The following USH2A variants were observed in gnomAD, a reference collection of about 807,000 sequenced individuals.
USH2A encodes the protein usherin, also known as Usher syndrome 2A (autosomal recessive, mild).
A neutral mutation model predicts 538.9 loss-of-function variants in USH2A; 443 were observed. The observed-to-expected ratio is 0.82, with a 90% CI of 0.76 to 0.89. USH2A has a LOEUF of 0.89. USH2A is among the 40% of genes least tolerant of loss of function. USH2A has a pLI of 0.00. For synonymous variants in USH2A, 2,413 were observed against 2,273.5 expected (o/e 1.06, Z -1.75); for missense variants, 6,633 against 6,324.8 (o/e 1.05, Z -1.65).
intron 3 of USH2A, among the ~76,000 whole-genome samples, chr1:216,395,634 G>A (rs2039198156): frequency 6.6e-6 from 1 of 152,192 alleles, no homozygotes; most frequent in African/African-American, 2.4e-5. Flanking sequence ...CCAAGGATGA[G>A]ACTGTAAAGA....
intron 11 of USH2A, among the ~76,000 whole-genome samples, chr1:216,267,883 C>A (rs553742586): frequency 6.6e-6 from 1 of 152,220 alleles, no homozygotes; most frequent in East Asian, 1.9e-4. Flanking sequence ...AGATGCTCAG[C>A]AAAAGTTATT....
chr1:215,819,374 T>A (rs1036269995), intron 47 of USH2A, among the ~76,000 whole-genome samples: 2 of 150,530 alleles, frequency 1.3e-5, no homozygotes, highest in Admixed American at 6.7e-5. Context: ...AAAGCGGCAG[T>A]CAAGATAAAC....
chr1:215,777,831 T>C (rs2102758709), intron 55 of USH2A, among the ~76,000 whole-genome samples: 1 of 152,316 alleles, frequency 6.6e-6, no homozygotes, highest in South Asian at 2.1e-4. Context: ...TCTTCATCTT[T>C]CAGATATGAT....
rs1440918481 is a variant in USH2A, at chr1:215,878,920, C to T, written c.8402G>A (p.Gly2801Glu). The change falls in exon 42 of 72, where the codon GGG (glycine) becomes GAG (glutamate). Residue 2801 changes from glycine (G) to glutamate (E), a missense_variant. Transcript: ENST00000307340. ...VTIVACSGGN[G>E]YLGGCTESLP... is the part of the protein sequence containing the mutation. ...ACTCTCTGTGCACCCTCCAAGGTAC[C>T]CATTACCCCCTGAGCAAGCAACAAT... is the stretch of plus-strand genomic sequence containing the variant. 1 of 1,613,888 alleles carries T rather than the reference C, an allele frequency of 6.2e-7. No homozygotes were observed. Among genetic ancestry groups the T allele is most frequent in the Admixed American group, 1.7e-5 (1 of 59,988 alleles).
chr1:216,372,642 C>T (rs949446046), intron 3 of USH2A, among the ~76,000 whole-genome samples: 14 of 152,022 alleles, frequency 9.2e-5, no homozygotes, highest in African/African-American at 2.2e-4. Context: ...TTAGATTACT[C>T]TCTTCTCTCT....
At chr1:216,186,048 T>C (rs1031456659) in intron 20 of USH2A, among the ~76,000 whole-genome samples, 9 of 151,724 alleles carry the variant, frequency 5.9e-5, no homozygotes, top group African/African-American at 2.2e-4. Flanking sequence ...AGGTGAAGAA[T>C]CAGATAGTTC....
At chr1:215,687,032 G>A (rs1658445667) in intron 61 of USH2A, among the ~76,000 whole-genome samples, 1 of 152,026 alleles carries the variant, frequency 6.6e-6, no homozygotes, top group Non-Finnish European at 1.5e-5. Context: ...CTGGGGACAT[G>A]TTTGAGTGGA....
chr1:215,642,414 G>A (rs1022858519), intron 67 of USH2A, among the ~76,000 whole-genome samples: 20 of 152,008 alleles, frequency 1.3e-4, no homozygotes, highest in Non-Finnish European at 8.8e-5. Context: ...TGTTATCATC[G>A]GTACACATTT....
chr1:216,419,202 C>T (rs945344431), intron 2 of USH2A, among the ~76,000 whole-genome samples: 2 of 152,050 alleles, frequency 1.3e-5, no homozygotes, highest in Admixed American at 6.6e-5. Context: ...TCTACTCACC[C>T]CATCATCAAC....
chr1:215,767,591 G>A (rs1393964953), intron 55 of USH2A, among the ~76,000 whole-genome samples: 1 of 152,136 alleles, frequency 6.6e-6, no homozygotes, highest in African/African-American at 2.4e-5. Context: ...TGTTCAGTAA[G>A]TTTTCAGGGA....
intron 61 of USH2A, among the ~76,000 whole-genome samples, chr1:215,699,455 G>C (rs1170146602): frequency 1.3e-5 from 2 of 152,118 alleles, no homozygotes; most frequent in East Asian, 3.9e-4. Context: ...CATGAGCATG[G>C]AATATTTTTC....
At chr1:215,648,838 T>G in intron 65 of USH2A, 72 bp from the exon 66 acceptor site, 701 of 1,412,758 alleles carry the variant, frequency 5.0e-4, no homozygotes, top group Non-Finnish European at 6.4e-4. Flanking sequence ...TTATCCAAGA[T>G]CCCACCTCCT....
chr1:216,353,289 A>G (rs2038321094), intron 4 of USH2A, among the ~76,000 whole-genome samples: 1 of 152,160 alleles, frequency 6.6e-6, no homozygotes, highest in South Asian at 2.1e-4. Flanking sequence ...TGTATCTGAC[A>G]GAAAAAGAAA....
intron 20 of USH2A, among the ~76,000 whole-genome samples, chr1:216,180,252 A>G (rs76158714): frequency 0.012 from 1,819 of 152,190 alleles, 30 homozygotes; most frequent in African/African-American, 0.041. Context: ...CATTATTTCT[A>G]AGGATAATAT....
intron 49 of USH2A, among the ~76,000 whole-genome samples, chr1:215,802,785 G>A (rs1383830527): frequency 6.6e-6 from 1 of 152,104 alleles, no homozygotes; most frequent in Non-Finnish European, 1.5e-5. Context: ...GAAAACAGGA[G>A]ATTGAACAGA....
chr1:216,233,090 T>A (rs2035733719), intron 13 of USH2A, among the ~76,000 whole-genome samples: 2 of 152,142 alleles, frequency 1.3e-5, no homozygotes, highest in Admixed American at 1.3e-4. Flanking sequence ...ATTTCACTTC[T>A]CTATTTGAAA....
At chr1:215,700,515 T>A (rs1189373948) in intron 61 of USH2A, among the ~76,000 whole-genome samples, 1 of 152,228 alleles carries the variant, frequency 6.6e-6, no homozygotes, top group Admixed American at 6.5e-5. Context: ...GAGATTCAAC[T>A]TCTTCCTGGT....
At chr1:215,949,381 C>T (rs893066722) in intron 37 of USH2A, among the ~76,000 whole-genome samples, 8 of 151,778 alleles carry the variant, frequency 5.3e-5, no homozygotes, top group African/African-American at 1.7e-4. Context: ...GAAGGAGACT[C>T]CATTAAAAAT....
chr1:216,412,160 C>T (rs2039499895), intron 3 of USH2A, among the ~76,000 whole-genome samples: 1 of 152,016 alleles, frequency 6.6e-6, no homozygotes, highest in South Asian at 2.1e-4. Flanking sequence ...TGTTTGTTTC[C>T]AATTTGTAAT....
Sources: gnomAD v4.1 joint callset for allele counts (sites outside exome capture counted in the v4.1 genomes callset) on GRCh38, gnomAD v4.1.1 for gene constraint, MANE v1.5 for transcripts, NCBI Gene and HGNC (gene_info 2026-07-23, HGNC 2026-07-21) for gene names.